Variants in CLCA2 observed in about 807,000 individuals in gnomAD.
The protein encoded by CLCA2 is chloride channel accessory 2.
In CLCA2, 85 loss-of-function variants were observed where a neutral mutation model predicts 82.9. The observed-to-expected ratio is 1.03, with a 90% confidence interval of 0.86 to 1.23. CLCA2 has a LOEUF of 1.23. Among genes scored for constraint, CLCA2 ranks in the 50% most tolerant of loss-of-function variants. The pLI, the probability that CLCA2 is intolerant of heterozygous loss-of-function variation, is 0.00. For synonymous variants in CLCA2, 421 were observed against 391.7 expected, an observed-to-expected ratio of 1.07 and a Z score of -0.88; for missense variants, 1,089 against 1,124.8, an observed-to-expected ratio of 0.97 and a Z score of 0.45.
intron 10 of CLCA2, among the ~76,000 whole-genome samples, chr1:86,444,561 T>C (rs1466931377): frequency 6.6e-6 from 1 of 152,108 alleles, no homozygotes; most frequent in African/African-American, 2.4e-5. Flanking sequence ...GGTATGATAT[T>C]GTGGGCAGAG....
intron 13 of CLCA2, 94 bp from the exon 14 acceptor site, chr1:86,454,991 G>T: frequency 3.1e-6 from 2 of 637,984 alleles, no homozygotes; most frequent in South Asian, 3.1e-5. Context: ...TAAATATTTT[G>T]ACTTTTTGTT....
chr1:86,440,365 CT>C lies in CLCA2; in HGVS notation c.1381+43del, dbSNP rs1662702957. ...AAAACTTATCTTTTGGAGCATGTCC[CT>C]TTAACTTGACTATCCAAGACACAAC... On this transcript the variant is annotated intron_variant, in intron 8 of 13. Transcript: ENST00000370565. 6 of 1,558,658 alleles carry C rather than the reference CT, an allele frequency of 3.8e-6. No individual in the cohort carries two copies. In the East Asian group the frequency reaches 1.4e-4, roughly 35 times the overall value.
chr1:86,436,956 C>T (rs577759529), intron 6 of CLCA2, among the ~76,000 whole-genome samples: 13 of 152,278 alleles, frequency 8.5e-5, no homozygotes, highest in Non-Finnish European at 1.3e-4. Flanking sequence ...TCAGGTGATC[C>T]GCCCACCTTG....
intron 11 of CLCA2, among the ~76,000 whole-genome samples, chr1:86,449,792 T>C (rs558867600): frequency 4.0e-4 from 61 of 152,320 alleles, no homozygotes; most frequent in African/African-American, 1.4e-3. Context: ...AAAAGTGATC[T>C]ATACTTGGGC....
intron 6 of CLCA2, among the ~76,000 whole-genome samples, chr1:86,437,604 G>A (rs937794137): frequency 3.3e-5 from 5 of 152,320 alleles, no homozygotes; most frequent in African/African-American, 1.2e-4. Flanking sequence ...TTCAAGGGAA[G>A]GGCATTCATT....
In CLCA2 at chr1:86,438,895, T is replaced by C; in HGVS notation, c.992T>C (p.Leu331Pro). The change falls in exon 7 of 14, where the codon CTA becomes CCA. Residue 331 changes from leucine (L) to proline (P), a missense_variant. Coordinates refer to ENST00000370565, the MANE Select transcript of CLCA2 (RefSeq NM_006536.7). ...KMAEADRLLQ[L>P]QQAAEFYLMQ... is the part of the protein sequence containing the mutation. ...ACATAGGCTGACAGACTCCTTCAACTACAACAAGCCGCAGAATTTTATTTG... is the reference window on the plus strand; with the variant it reads ...ACATAGGCTGACAGACTCCTTCAACCACAACAAGCCGCAGAATTTTATTTG... The C allele has an allele frequency of 1.2e-6, 2 of 1,614,088 alleles. No individual in the cohort carries two copies. Among genetic ancestry groups the C allele is most frequent in the Non-Finnish European group, 1.7e-6 (2 of 1,179,970 alleles).
chr1:86,435,662 G>A (rs1258570108), intron 6 of CLCA2, among the ~76,000 whole-genome samples: 2 of 152,062 alleles, frequency 1.3e-5, no homozygotes, highest in Non-Finnish European at 2.9e-5. Flanking sequence ...TGTAAGATAG[G>A]GATAATAGTG....
intron 7 of CLCA2, among the ~76,000 whole-genome samples, chr1:86,439,648 G>A (rs1662683040): frequency 1.3e-5 from 2 of 152,092 alleles, no homozygotes; most frequent in South Asian, 4.1e-4. Context: ...ATCAGCTATG[G>A]TTTTTGCTGC....
intron 8 of CLCA2, 56 bp downstream of exon 8, chr1:86,440,381 C>G (rs187550975): frequency 6.9e-7 from 1 of 1,441,786 alleles, no homozygotes; most frequent in African/African-American, 1.4e-5. Flanking sequence ...CTTGACTATC[C>G]AAGACACAAC....
At position 86,441,496 on chromosome 1, in the gene CLCA2, A is replaced by G. The variant is rs375454289; in HGVS notation, c.1441A>G (p.Ser481Gly). The G allele has an allele frequency of 8.2e-5, 133 of 1,612,330 alleles. No homozygotes were observed. Among genetic ancestry groups the G allele is most frequent in the Non-Finnish European group, 1.1e-4 (128 of 1,178,820 alleles). ...SNSNSMIDAF[S>G]RISSGTGDIF... Reference sequence around the variant, plus strand: ...CTCCAATAGCATGATTGATGCTTTCAGTAGAATTTCCTCTGGAACTGGAGA... The same window carrying G: ...CTCCAATAGCATGATTGATGCTTTCGGTAGAATTTCCTCTGGAACTGGAGA... The change falls in exon 9 of 14, where the codon AGT (serine) becomes GGT (glycine). Residue 481 changes from serine (S) to glycine (G), a missense_variant. Physicochemically the swap from Ser to Gly is moderately conservative, Grantham distance 56. Transcript: ENST00000370565.
At chr1:86,442,918 A>G (rs887466538) in intron 9 of CLCA2, among the ~76,000 whole-genome samples, 5 of 152,214 alleles carry the variant, frequency 3.3e-5, no homozygotes, top group African/African-American at 1.2e-4. Flanking sequence ...GGATTTTTAT[A>G]AGGATCAAGT....
At chr1:86,425,799 G>A (rs575841418) in intron 2 of CLCA2, among the ~76,000 whole-genome samples, 6 of 152,258 alleles carry the variant, frequency 3.9e-5, no homozygotes, top group African/African-American at 1.4e-4. Context: ...GCTGCAAAGG[G>A]AACAGTTCCA....
chr1:86,446,681 C>G (rs912592256), intron 10 of CLCA2, among the ~76,000 whole-genome samples: 1 of 152,164 alleles, frequency 6.6e-6, no homozygotes, highest in African/African-American at 2.4e-5. Flanking sequence ...ACGCTTCAAC[C>G]CCTTGCTTTT....
rs113793126 is a variant in CLCA2, at chr1:86,439,551, T to C, written c.1203+445T>C. 7.4e-3 allele frequency among the ~76,000 whole-genome samples: 1,124 copies of C among 152,314 alleles called. 19 individuals carry two copies. Among genetic ancestry groups the C allele is most frequent in the African/African-American group, 0.026 (1,081 of 41,580 alleles). On this transcript the variant is annotated intron_variant, in intron 7 of 13. Coordinates refer to ENST00000370565, the MANE Select transcript of CLCA2 (RefSeq NM_006536.7). ...AACACATCACAATTAAGGCCAGAAGTGTGTTTCAGGAATGACAGAGTTTAT... is the reference window on the plus strand; with the variant it reads ...AACACATCACAATTAAGGCCAGAAGCGTGTTTCAGGAATGACAGAGTTTAT...
rs1278958352 is a variant in CLCA2, at chr1:86,456,044, TCTCA to T, written c.*520_*523del. ...TTTGTTATATATATTACAGATGAAA[TCTCA>T]CTGCTAATGCTCAGAGATCTTTTTT... On this transcript the variant is annotated 3_prime_UTR_variant, in exon 14 of 14. Coordinates refer to ENST00000370565, the MANE Select transcript of CLCA2 (RefSeq NM_006536.7). The T allele has an allele frequency of 3.3e-5, 5 of 152,188 alleles. No individual in the cohort carries two copies. The highest frequency in any genetic ancestry group is 5.9e-5 in the Non-Finnish European group (4 of 68,026). 9.4% of individuals were successfully genotyped at this position (152,188 alleles called of 1,614,324 possible).
intron 10 of CLCA2, 124 bp from the exon 11 acceptor site, chr1:86,447,384 G>A (rs2101709101): frequency 1.1e-6 from 1 of 945,040 alleles, no homozygotes; most frequent in Non-Finnish European, 1.6e-6. Flanking sequence ...TCTTTTTGTA[G>A]TATTTTAAAA....
Position 86,455,519 on chromosome 1 carries a change from T to G in CLCA2, c.2824T>G (p.Leu942Val). The change falls in exon 14 of 14, where the codon TTA becomes GTA. Residue 942 changes from leucine (L) to valine (V), a missense_variant. Transcript: ENST00000370565. ...RADKKENGTK[L>V]L ...AGACAAGAAAGAGAATGGAACAAAA[T>G]TATTATAAATAAATATCCAAAGTGT... The G allele has an allele frequency of 6.8e-7, 1 of 1,471,068 alleles. No individual in the cohort carries two copies. The highest frequency in any genetic ancestry group is 9.0e-7 in the Non-Finnish European group (1 of 1,111,152). The allele number at this position is 1,471,068 out of a possible 1,614,324, so 91.1% of individuals were successfully genotyped here. A position where few individuals can be genotyped will look rare whatever the true frequency, so the allele number is the denominator to read the frequency against.
Position 86,440,317 on chromosome 1 carries a change from G to C in CLCA2, c.1373G>C (p.Arg458Pro), listed in dbSNP as rs150391383. The C allele has an allele frequency of 6.2e-7, 1 of 1,613,048 alleles. No homozygotes were observed. Among genetic ancestry groups the C allele is most frequent in the Non-Finnish European group, 8.5e-7 (1 of 1,179,712 alleles). ...SAAPNLEELS[R>P]LTGGLKFFVP... ...GCCCCAAATCTGGAGGAATTATCAC[G>C]TCTTACAGGTAATAAACTTTTAAAA... The change falls in exon 8 of 14, where the codon CGT becomes CCT. Residue 458 changes from arginine to proline, a missense_variant. Coordinates refer to ENST00000370565, the MANE Select transcript of CLCA2 (RefSeq NM_006536.7).
intron 6 of CLCA2, among the ~76,000 whole-genome samples, chr1:86,436,551 G>A (rs538602612): frequency 1.2e-4 from 18 of 152,282 alleles, no homozygotes; most frequent in Non-Finnish European, 2.2e-4. Flanking sequence ...CTTGTCCAAG[G>A]AGAGAATTTA....
Sources: allele counts gnomAD v4.1 joint callset (sites outside exome capture counted in the v4.1 genomes callset), GRCh38; gene constraint gnomAD v4.1.1; transcripts MANE v1.5; gene names NCBI Gene and HGNC (gene_info 2026-07-23, HGNC 2026-07-21).